The following EBF3 variants were observed in gnomAD, a reference collection of about 807,000 sequenced individuals.
EBF3 encodes transcription factor COE3.
In EBF3, 18 loss-of-function variants were observed where a neutral mutation model predicts 77.1. The observed-to-expected ratio is 0.23, with a 90% CI of 0.16 to 0.35. EBF3 has a LOEUF of 0.35. Among genes scored for constraint, EBF3 ranks in the 10% least tolerant of loss-of-function variants. The probability of loss-of-function intolerance (pLI) is 1.00; values close to 1 mark genes in which losing one functional copy is unlikely to be tolerated. For synonymous variants in EBF3, 350 were observed against 343.5 expected (o/e 1.02, Z -0.21); for missense variants, 558 against 860.0 (o/e 0.65, Z 4.39).
intron 11 of EBF3, among the ~76,000 whole-genome samples, chr10:129,844,198 G>A (rs1850291463): frequency 6.6e-6 from 1 of 150,874 alleles, no homozygotes; most frequent in Non-Finnish European, 1.5e-5. Context: ...CCCAGGCCCG[G>A]TCTAGGAGAG....
chr10:129,898,018 G>A (rs146998713), intron 6 of EBF3, among the ~76,000 whole-genome samples: 6 of 152,326 alleles, frequency 3.9e-5, no homozygotes, highest in African/African-American at 1.2e-4. Context: ...CATATGAAAA[G>A]AGGACTTTGC....
Position 129,870,515 on chromosome 10 carries a change from G to A in EBF3, c.782-2603C>T, listed in dbSNP as rs965443111. 2.6e-5 allele frequency among the ~76,000 whole-genome samples: 4 copies of A among 152,106 alleles called. No individual in the cohort carries two copies. Among genetic ancestry groups the A allele is most frequent in the African/African-American group, 9.7e-5 (4 of 41,426 alleles). ...CCCTCCTGGGGCCCCGAGCTGCCAG[G>A]GTCCAGAGAAAGGAGGCGTGGCGAG... On this transcript the variant is annotated intron_variant, in intron 8 of 16. Coordinates refer to ENST00000440978, the MANE Select transcript of EBF3 (RefSeq NM_001375380.1). The surrounding 1 kb of genome is among the most constrained non-coding windows in gnomAD (Gnocchi z 4.4).
intron 6 of EBF3, among the ~76,000 whole-genome samples, chr10:129,887,000 G>A (rs1486336720): frequency 6.8e-6 from 1 of 148,010 alleles, no homozygotes; most frequent in African/African-American, 2.5e-5. Flanking sequence ...GCTGCAACAT[G>A]GAGATGTCAG....
chr10:129,925,832 G>A (rs931979099), intron 6 of EBF3, among the ~76,000 whole-genome samples: 5 of 152,198 alleles, frequency 3.3e-5, no homozygotes, highest in Admixed American at 6.5e-5. Flanking sequence ...CACGCACCAC[G>A]TAGCTCCTTC....
At position 129,933,352 on chromosome 10, in the gene EBF3, G is replaced by A. The variant is rs146076598; in HGVS notation, c.554+23906C>T. Among the ~76,000 whole-genome samples the A allele has an allele frequency of 2.2e-3, 329 of 152,336 alleles. 1 individual carries two copies. The highest frequency in any genetic ancestry group is 7.5e-3 in the African/African-American group (312 of 41,570). ...AAGGGGAGCTAATTTGGCACCAGACGAGCTGGGACGCCCCGAGTATGGGGA... is the reference window on the plus strand; with the variant it reads ...AAGGGGAGCTAATTTGGCACCAGACAAGCTGGGACGCCCCGAGTATGGGGA... On this transcript the variant is annotated intron_variant, in intron 6 of 16. Coordinates refer to ENST00000440978, the MANE Select transcript of EBF3 (RefSeq NM_001375380.1).
At chr10:129,936,528 G>C (rs1270982258) in intron 6 of EBF3, among the ~76,000 whole-genome samples, 1 of 152,080 alleles carries the variant, frequency 6.6e-6, no homozygotes, top group African/African-American at 2.4e-5. Context: ...ACCCTCAGCT[G>C]TGTGGGGAAC....
chr10:129,877,059 G>A (rs1589765178), intron 7 of EBF3, among the ~76,000 whole-genome samples: 1 of 152,258 alleles, frequency 6.6e-6, no homozygotes, highest in South Asian at 2.1e-4. Flanking sequence ...GCCAGGAAGA[G>A]ACTCTGGCAG....
intron 7 of EBF3, among the ~76,000 whole-genome samples, chr10:129,874,207 G>C (rs566638588): frequency 6.6e-6 from 1 of 152,264 alleles, no homozygotes; most frequent in Admixed American, 6.5e-5. Context: ...TCCTGGAAAG[G>C]TATTCTTTCT....
intron 6 of EBF3, among the ~76,000 whole-genome samples, chr10:129,940,118 G>A (rs1288793184): frequency 6.6e-6 from 1 of 152,220 alleles, no homozygotes; most frequent in Non-Finnish European, 1.5e-5. Context: ...CCCCTGCCCA[G>A]GCACACATCT....
Position 129,944,396 on chromosome 10 carries a change from T to C in EBF3, c.554+12862A>G, listed in dbSNP as rs1454418957. 1.3e-5 allele frequency among the ~76,000 whole-genome samples: 2 copies of C among 152,218 alleles called. No homozygotes were observed. Among genetic ancestry groups the C allele is most frequent in the East Asian group, 1.9e-4 (1 of 5,194 alleles). Reference sequence around the variant, plus strand: ...AGCCTTGATGTTAAATAGGGATCAATACCGCTGGGCTGCAGATGAGATCTG... The same window carrying C: ...AGCCTTGATGTTAAATAGGGATCAACACCGCTGGGCTGCAGATGAGATCTG... On this transcript the variant is annotated intron_variant, in intron 6 of 16. Transcript: ENST00000440978. The surrounding 1 kb of genome is among the most constrained non-coding windows in gnomAD (Gnocchi z 5.1).
intron 11 of EBF3, among the ~76,000 whole-genome samples, chr10:129,844,102 C>T (rs545714651): frequency 6.6e-6 from 1 of 152,304 alleles, no homozygotes; most frequent in South Asian, 2.1e-4. Context: ...AGTTTCTTTC[C>T]AACTCCATTC....
Position 129,842,719 on chromosome 10 carries a change from G to A in EBF3, c.1194+418C>T, listed in dbSNP as rs1850164835. 7.1e-6 allele frequency among the ~76,000 whole-genome samples: 1 copy of A among 141,088 alleles called. No individual in the cohort carries two copies. The highest frequency in any genetic ancestry group is 1.5e-5 in the Non-Finnish European group (1 of 66,704). The allele number at this position is 141,088 out of a possible 152,430, so 92.6% of individuals were successfully genotyped here. On this transcript the variant is annotated intron_variant, in intron 12 of 16. Coordinates refer to ENST00000440978, the MANE Select transcript of EBF3 (RefSeq NM_001375380.1). The surrounding 1 kb of genome is among the most constrained non-coding windows in gnomAD (Gnocchi z 4.4). ...GTGGAGGTTGCAGTGAACCGACACT[G>A]CCCTACTGCACTCCAGCCTGGGTGA...
At chr10:129,949,027 A>G (rs1356240369) in intron 6 of EBF3, among the ~76,000 whole-genome samples, 3 of 152,240 alleles carry the variant, frequency 2.0e-5, no homozygotes, top group African/African-American at 4.8e-5. Context: ...GCACTCGTGC[A>G]GTGGCTCATG....
At chr10:129,889,946 CTTTTTTTTTTTTTTTTTT>C (rs10665456) in intron 6 of EBF3, among the ~76,000 whole-genome samples, 3 of 82,880 alleles carry the variant, frequency 3.6e-5, no homozygotes, top group Non-Finnish European at 6.5e-5. Context: ...ATTGAAGTGC[CTTTTTTTTTTTTTTTTTT>C]TTTTTTTTTT....
At chr10:129,840,472 G>A (rs1172018934) in intron 14 of EBF3, 30 bp from the exon 15 acceptor site, 8 of 1,542,092 alleles carry the variant, frequency 5.2e-6, no homozygotes, top group Middle Eastern at 1.7e-4. Flanking sequence ...GTCAGCACGC[G>A]CGGCCGCGGC....
At chr10:129,934,618 G>A (rs1039809391) in intron 6 of EBF3, among the ~76,000 whole-genome samples, 1 of 152,094 alleles carries the variant, frequency 6.6e-6, no homozygotes, top group African/African-American at 2.4e-5. Flanking sequence ...GGGGCTGGGA[G>A]TTTCTAAGTT....
intron 11 of EBF3, among the ~76,000 whole-genome samples, chr10:129,844,181 TGCGGACCCCAGGCCCGGTCTA>T (rs1255226850): frequency 6.6e-6 from 1 of 152,174 alleles, no homozygotes; most frequent in African/African-American, 2.4e-5. Flanking sequence ...AGTGGCCTCC[TGCGGACCCCAGGCCCGGTCTA>T]GGAGAGCTCT....
chr10:129,891,812 G>A, intron 6 of EBF3, among the ~76,000 whole-genome samples: 1 of 152,200 alleles, frequency 6.6e-6, no homozygotes, highest in East Asian at 1.9e-4. Context: ...AAACTTCAGT[G>A]GCTCACGGCG....
At chr10:129,926,270 A>G (rs1251682048) in intron 6 of EBF3, among the ~76,000 whole-genome samples, 1 of 152,198 alleles carries the variant, frequency 6.6e-6, no homozygotes, top group Non-Finnish European at 1.5e-5. Context: ...CCTTGGCGCC[A>G]GCCCGCAAGA....
Sources: gnomAD v4.1 joint callset for allele counts (sites outside exome capture counted in the v4.1 genomes callset) on GRCh38, gnomAD v4.1.1 for gene constraint, Gnocchi (gnomAD v3.1) non-coding constraint, MANE v1.5 for transcripts, NCBI Gene and HGNC (gene_info 2026-07-23, HGNC 2026-07-21) for gene names.